RANBP3L: variants seen among roughly 807,000 people sequenced by gnomAD.
The protein encoded by RANBP3L is RAN binding protein 3 like.
A neutral mutation model predicts 67.2 loss-of-function variants in RANBP3L; 56 were observed. The observed-to-expected ratio is 0.83, with a 90% CI of 0.67 to 1.04. The LOEUF (loss-of-function observed/expected upper bound fraction) is 1.04, where lower values mean the gene tolerates loss of function less well. Among genes scored for constraint, RANBP3L ranks in the 50% least tolerant of loss-of-function variants. RANBP3L has a pLI of 0.00. For missense variants in RANBP3L, 496 were observed against 535.5 expected, an observed-to-expected ratio of 0.93 and a Z score of 0.73; for synonymous variants, 164 against 181.4, an observed-to-expected ratio of 0.90 and a Z score of 0.77.
At chr5:36,297,493 C>T (rs995524544) in intron 1 of RANBP3L, among the ~76,000 whole-genome samples, 41 of 151,892 alleles carry the variant, frequency 2.7e-4, no homozygotes, top group African/African-American at 9.7e-4. Context: ...AGAAGCTTGA[C>T]TACACTATTT....
intron 1 of RANBP3L, among the ~76,000 whole-genome samples, chr5:36,274,047 G>T (rs1411285031): frequency 6.6e-6 from 1 of 152,174 alleles, no homozygotes; most frequent in Non-Finnish European, 1.5e-5. Context: ...TCCATTTTCT[G>T]CAGGTCACTT....
intron 1 of RANBP3L, among the ~76,000 whole-genome samples, chr5:36,297,443 A>G (rs1335377889): frequency 6.6e-6 from 1 of 150,506 alleles, no homozygotes. Context: ...ACACACACAC[A>G]CACGCACACA....
At chr5:36,251,565 A>G in intron 12 of RANBP3L, 66 bp from the exon 13 acceptor site, 4 of 1,239,990 alleles carry the variant, frequency 3.2e-6, no homozygotes, top group Non-Finnish European at 4.5e-6. Context: ...ACAGATTTTT[A>G]ATCTTTCACT....
chr5:36,257,021 A>G lies in RANBP3L; in HGVS notation c.823T>C (p.Ser275Pro). ...AAGCATTTTCGTGATGGTTGGGAAG[A>G]GAATGCAGCAGCTGATTCAATTAGG... The part of the protein sequence containing the change: ...TSLIESAAAF[S>P]SQPSRKCLLE... Residue 275 changes from serine to proline, a missense_variant, in exon 10 of 14, where the codon TCT becomes CCT. By Grantham distance (74) the Ser-to-Pro change is moderately conservative. Transcript: ENST00000296604. 6.2e-7 allele frequency: 1 copy of G among 1,612,890 alleles called. No homozygotes were observed. Among genetic ancestry groups the G allele is most frequent in the Non-Finnish European group, 8.5e-7 (1 of 1,179,134 alleles).
intron 1 of RANBP3L, among the ~76,000 whole-genome samples, chr5:36,294,000 G>C (rs997330247): frequency 2.0e-5 from 3 of 152,142 alleles, no homozygotes; most frequent in African/African-American, 7.2e-5. Context: ...TTGTACCTCT[G>C]ATAGAATTCG....
At chr5:36,274,161 T>C (rs963619850) in intron 1 of RANBP3L, among the ~76,000 whole-genome samples, 4 of 152,226 alleles carry the variant, frequency 2.6e-5, no homozygotes, top group African/African-American at 7.2e-5. Flanking sequence ...CTTTGCTCGA[T>C]TAAACTCTAA....
At chr5:36,258,030 G>T (rs1749116321) in intron 8 of RANBP3L, among the ~76,000 whole-genome samples, 2 of 151,968 alleles carry the variant, frequency 1.3e-5, no homozygotes, top group African/African-American at 4.8e-5. Context: ...CATATACCAA[G>T]GTATTTCAGT....
intron 1 of RANBP3L, among the ~76,000 whole-genome samples, chr5:36,298,299 T>TAAA (rs397786019): frequency 1.1e-4 from 14 of 128,074 alleles, no homozygotes; most frequent in African/African-American, 4.0e-4. Flanking sequence ...GACTCCATCT[T>TAAA]AAAAAAAAAA....
At chr5:36,278,347 T>C (rs985459319) in intron 1 of RANBP3L, among the ~76,000 whole-genome samples, 1 of 152,128 alleles carries the variant, frequency 6.6e-6, no homozygotes, top group Non-Finnish European at 1.5e-5. Context: ...GTGATCCAGA[T>C]GGACCAGCAG....
chr5:36,284,266 G>T (rs1262283252), intron 1 of RANBP3L, among the ~76,000 whole-genome samples: 1 of 152,144 alleles, frequency 6.6e-6, no homozygotes. Context: ...ATGACCTTTT[G>T]TTTGTTTATT....
At chr5:36,279,892 A>G (rs1750852816) in intron 1 of RANBP3L, among the ~76,000 whole-genome samples, 1 of 152,174 alleles carries the variant, frequency 6.6e-6, no homozygotes, top group Non-Finnish European at 1.5e-5. Flanking sequence ...AAGGAAAGTT[A>G]TTCCTCTTTT....
At chr5:36,287,095 A>T (rs1312348666) in intron 1 of RANBP3L, among the ~76,000 whole-genome samples, 1 of 152,172 alleles carries the variant, frequency 6.6e-6, no homozygotes, top group Non-Finnish European at 1.5e-5. Context: ...GCCTCAGATC[A>T]TCAGACATTA....
intron 1 of RANBP3L, among the ~76,000 whole-genome samples, chr5:36,292,162 A>T (rs1018415561): frequency 2.4e-4 from 37 of 152,028 alleles, no homozygotes; most frequent in African/African-American, 8.4e-4. Context: ...GATGGTGAGC[A>T]TTTTTTCACG....
chr5:36,295,167 G>C (rs1752115581), intron 1 of RANBP3L, among the ~76,000 whole-genome samples: 1 of 151,948 alleles, frequency 6.6e-6, no homozygotes, highest in South Asian at 2.1e-4. Flanking sequence ...GGGTAACATA[G>C]TAATTCTATT....
At chr5:36,277,544 C>T (rs762239607) in intron 1 of RANBP3L, among the ~76,000 whole-genome samples, 4 of 150,972 alleles carry the variant, frequency 2.6e-5, no homozygotes, top group African/African-American at 9.8e-5. Context: ...CTTCTTCTAA[C>T]CTTTTGAAAC....
chr5:36,276,851 AG>A (rs1750608287), intron 1 of RANBP3L, among the ~76,000 whole-genome samples: 1 of 152,176 alleles, frequency 6.6e-6, no homozygotes, highest in African/African-American at 2.4e-5. Context: ...ATTGTACTCC[AG>A]GGGGCATGAG....
chr5:36,247,972 C>T lies in RANBP3L; in HGVS notation c.*1682G>A, dbSNP rs1419950428. On this transcript the variant is annotated 3_prime_UTR_variant, in exon 14 of 14. Transcript: ENST00000296604. Reference sequence around the variant, plus strand: ...TAGTGCAATCACAATGTTCCCACATCAGCTGAGATCTTAACAATAAAAGAG... The same window carrying T: ...TAGTGCAATCACAATGTTCCCACATTAGCTGAGATCTTAACAATAAAAGAG... Among the ~76,000 whole-genome samples the T allele has an allele frequency of 6.6e-6, 1 of 152,228 alleles. No homozygotes were observed. The highest frequency in any genetic ancestry group is 1.5e-5 in the Non-Finnish European group (1 of 68,036).
At chr5:36,265,932 G>A (rs190726462) in intron 4 of RANBP3L, among the ~76,000 whole-genome samples, 4 of 137,046 alleles carry the variant, frequency 2.9e-5, no homozygotes, top group African/African-American at 8.2e-5. Context: ...AGCTGAAATC[G>A]CACCACTGCA....
chr5:36,293,612 G>GT (rs1432276686), intron 1 of RANBP3L, among the ~76,000 whole-genome samples: 2 of 3,048 alleles, frequency 6.6e-4, no homozygotes, highest in Non-Finnish European at 6.1e-3. Context: ...TTAGCATGAA[G>GT]GTTGTTGAAT....
Sources: gnomAD v4.1 joint callset for allele counts (sites outside exome capture counted in the v4.1 genomes callset) on GRCh38, gnomAD v4.1.1 for gene constraint, MANE v1.5 for transcripts, NCBI Gene and HGNC (gene_info 2026-07-23, HGNC 2026-07-21) for gene names.